CNTNAP3B: variants seen among roughly 807,000 people sequenced by gnomAD.
The protein encoded by CNTNAP3B is contactin-associated protein-like 3B.
In CNTNAP3B, 25 loss-of-function variants were observed where a neutral mutation model predicts 108.9. The ratio of observed to expected loss-of-function variants is 0.23; its 90% CI spans 0.17 to 0.32. The LOEUF is 0.32. Among genes scored for constraint, CNTNAP3B ranks in the 10% least tolerant of loss-of-function variants. The pLI, the probability that CNTNAP3B is intolerant of heterozygous loss-of-function variation, is 1.00. For synonymous variants in CNTNAP3B, 103 were observed against 473.4 expected, an observed-to-expected ratio of 0.22 and a Z score of 10.16; for missense variants, 252 against 1,210.4, an observed-to-expected ratio of 0.21 and a Z score of 11.75.
At chr9:41,945,742 A>G (rs1295728464) in intron 13 of CNTNAP3B, among the ~76,000 whole-genome samples, 1 of 152,306 alleles carries the variant, frequency 6.6e-6, no homozygotes, top group Admixed American at 6.5e-5. Context: ...GTGCACATGT[A>G]CCCTAGAAAT....
At chr9:42,090,125 A>C (rs1827789370) in intron 2 of CNTNAP3B, among the ~76,000 whole-genome samples, 1 of 134,968 alleles carries the variant, frequency 7.4e-6, no homozygotes, top group African/African-American at 3.0e-5. Context: ...ACTTATTAAA[A>C]TGGAAAGTTG....
At chr9:42,117,153 C>T (rs1486516152) in intron 1 of CNTNAP3B, among the ~76,000 whole-genome samples, 1 of 136,582 alleles carries the variant, frequency 7.3e-6, no homozygotes, top group African/African-American at 3.0e-5. Context: ...AGGAATTGAA[C>T]TCAGCTCTGC....
intron 8 of CNTNAP3B, among the ~76,000 whole-genome samples, chr9:41,986,780 TG>T (rs1825713965): frequency 7.1e-6 from 1 of 140,664 alleles, no homozygotes; most frequent in Admixed American, 7.2e-5. Flanking sequence ...CACATACTTA[TG>T]GGGTGTGACA....
chr9:42,086,341 G>A (rs1467779541), intron 2 of CNTNAP3B, among the ~76,000 whole-genome samples: 5 of 134,576 alleles, frequency 3.7e-5, no homozygotes, highest in African/African-American at 1.2e-4. Context: ...TGGGGACACA[G>A]CCAAACCATA....
intron 15 of CNTNAP3B, among the ~76,000 whole-genome samples, chr9:41,925,485 C>T (rs1325062995): frequency 3.3e-5 from 5 of 152,334 alleles, no homozygotes; most frequent in East Asian, 1.9e-4. Flanking sequence ...CCCAGCTAGT[C>T]GGGAGGCTGA....
intron 14 of CNTNAP3B, among the ~76,000 whole-genome samples, chr9:41,930,747 A>G (rs1285973840): frequency 3.3e-5 from 5 of 152,280 alleles, no homozygotes; most frequent in Non-Finnish European, 5.9e-5. Flanking sequence ...ATACAAAGAG[A>G]CCTGGAGGAT....
chr9:41,936,060 G>T (rs1355322851), intron 14 of CNTNAP3B, among the ~76,000 whole-genome samples: 1 of 152,224 alleles, frequency 6.6e-6, no homozygotes, highest in Non-Finnish European at 1.5e-5. Context: ...CTAACAGAAG[G>T]TTCTGTAACA....
chr9:41,969,693 C>G (rs1188821642), intron 10 of CNTNAP3B, among the ~76,000 whole-genome samples: 2 of 151,440 alleles, frequency 1.3e-5, no homozygotes, highest in Admixed American at 6.6e-5. Flanking sequence ...TCTCTGCTCA[C>G]TGCAAGCTCC....
At position 42,030,808 on chromosome 9, in the gene CNTNAP3B, A is replaced by AG. The variant is rs1231933957; in HGVS notation, c.391-17284dup. 5.9e-3 allele frequency among the ~76,000 whole-genome samples: 506 copies of AG among 85,324 alleles called. 45 individuals are homozygous for AG. Among genetic ancestry groups the AG allele is most frequent in the South Asian group, 0.012 (28 of 2,310 alleles). 56.0% of individuals were successfully genotyped at this position (85,324 alleles called of 152,430 possible). A position where few individuals can be genotyped will look rare whatever the true frequency, so the allele number is the denominator to read the frequency against. ...AGATGTGTGCGAGAGAGAGAGAGAG[A>AG]GAGAGGAGAGAGAGAGAGAGAGAGA... On this transcript the variant is annotated intron_variant, in intron 3 of 23. Coordinates refer to ENST00000377561, the MANE Select transcript of CNTNAP3B (RefSeq NM_001201380.3).
intron 14 of CNTNAP3B, among the ~76,000 whole-genome samples, chr9:41,932,520 C>CT (rs1304300088): frequency 0.1 from 1,131 of 10,786 alleles, no homozygotes; most frequent in Non-Finnish European, 0.12. Context: ...TTTTTTTCTT[C>CT]TTTTTTTTTT....
rs1475540211 is a variant in CNTNAP3B, at chr9:42,087,637, C to T, written c.197-10575G>A. On this transcript the variant is annotated intron_variant, in intron 2 of 23. Coordinates refer to ENST00000377561, the MANE Select transcript of CNTNAP3B (RefSeq NM_001201380.3). ...TGAGTAATATAGTTCACAGGTGTTG[C>T]CATTCTTTAATTTTAGCCATCCTAG... Among the ~76,000 whole-genome samples, 8 of 142,684 alleles carry T rather than the reference C, an allele frequency of 5.6e-5. 1 individual carries two copies. Among genetic ancestry groups the T allele is most frequent in the Non-Finnish European group, 1.1e-4 (7 of 65,470 alleles). 93.6% of individuals were successfully genotyped at this position (142,684 alleles called of 152,430 possible).
chr9:41,917,154 A>G (rs1180454420), intron 18 of CNTNAP3B, among the ~76,000 whole-genome samples: 2 of 147,148 alleles, frequency 1.4e-5, no homozygotes, highest in African/African-American at 2.5e-5. Flanking sequence ...GGTATTTTCA[A>G]TTACGTATAT....
intron 7 of CNTNAP3B, among the ~76,000 whole-genome samples, chr9:41,995,484 C>T (rs1185499676): frequency 7.5e-6 from 1 of 132,530 alleles, no homozygotes; most frequent in Non-Finnish European, 1.6e-5. Flanking sequence ...GCCTGTGGTC[C>T]TATCACTTTG....
chr9:41,954,137 G>A (rs1479115563), intron 12 of CNTNAP3B, among the ~76,000 whole-genome samples: 3 of 152,240 alleles, frequency 2.0e-5, no homozygotes, highest in African/African-American at 4.8e-5. Context: ...TACTATGCTG[G>A]TGCTGTCTGG....
intron 3 of CNTNAP3B, among the ~76,000 whole-genome samples, chr9:42,019,569 T>C (rs1587203513): frequency 2.6e-5 from 2 of 76,074 alleles, no homozygotes; most frequent in Non-Finnish European, 5.3e-5. Flanking sequence ...CTGACCAATA[T>C]GGTGAAACCT....
chr9:41,936,074 A>G (rs1824147449), intron 14 of CNTNAP3B, among the ~76,000 whole-genome samples: 1 of 152,274 alleles, frequency 6.6e-6, no homozygotes. Context: ...TGTAACAAAA[A>G]AACAGTTGAC....
At chr9:41,916,704 C>CT (rs1313839286) in intron 18 of CNTNAP3B, among the ~76,000 whole-genome samples, 1 of 145,216 alleles carries the variant, frequency 6.9e-6, no homozygotes, top group Admixed American at 6.9e-5. Context: ...TTTATCATTT[C>CT]TTTTTGTTAG....
intron 1 of CNTNAP3B, among the ~76,000 whole-genome samples, chr9:42,110,685 G>C (rs563914578): frequency 7.3e-6 from 1 of 137,736 alleles, no homozygotes; most frequent in East Asian, 2.2e-4. Context: ...AACAGGGAAG[G>C]GGGTGCCCAT....
At chr9:41,954,737 G>A (rs1307085178) in intron 12 of CNTNAP3B, among the ~76,000 whole-genome samples, 8 of 152,240 alleles carry the variant, frequency 5.3e-5, no homozygotes, top group Non-Finnish European at 1.5e-5. Flanking sequence ...AGGCTGGAGT[G>A]CAGTGGCGCT....
Sources: allele counts gnomAD v4.1 joint callset (sites outside exome capture counted in the v4.1 genomes callset), GRCh38; gene constraint gnomAD v4.1.1; transcripts MANE v1.5; gene names NCBI Gene and HGNC (gene_info 2026-07-23, HGNC 2026-07-21).